RIMKLB: variants seen among roughly 807,000 people sequenced by gnomAD.
RIMKLB encodes the protein ribosomal modification protein rimK like family member B, also known as beta-citrylglutamate synthase B.
A neutral mutation model predicts 32.0 loss-of-function variants in RIMKLB; 7 were observed. The observed-to-expected ratio is 0.22, with a 90% CI of 0.12 to 0.41. RIMKLB has a LOEUF of 0.41. Among genes scored for constraint, RIMKLB ranks in the 10% least tolerant of loss-of-function variants. RIMKLB has a pLI of 1.00. For synonymous variants in RIMKLB, 172 were observed against 185.1 expected (o/e 0.93, Z 0.57); for missense variants, 289 against 498.7 (o/e 0.58, Z 4.00).
At chr12:8,703,765 C>G (rs963466936) in intron 1 of RIMKLB, among the ~76,000 whole-genome samples, 1 of 152,194 alleles carries the variant, frequency 6.6e-6, no homozygotes, top group Non-Finnish European at 1.5e-5. Flanking sequence ...TCTAACCTTT[C>G]TGCTAGAACA....
intron 1 of RIMKLB, among the ~76,000 whole-genome samples, chr12:8,698,833 C>G (rs1188685640): frequency 6.6e-6 from 1 of 152,042 alleles, no homozygotes; most frequent in African/African-American, 2.4e-5. Context: ...GTGTGACAGT[C>G]ATTCCATCTT....
intron 4 of RIMKLB, among the ~76,000 whole-genome samples, chr12:8,752,636 C>T (rs1028845138): frequency 2.6e-5 from 4 of 151,950 alleles, no homozygotes; most frequent in Admixed American, 2.6e-4. Flanking sequence ...GACTTAAATG[C>T]GTAAGGTAAA....
At chr12:8,719,368 T>A (rs1171042553) in intron 2 of RIMKLB, among the ~76,000 whole-genome samples, 1 of 152,160 alleles carries the variant, frequency 6.6e-6, no homozygotes, top group Non-Finnish European at 1.5e-5. Flanking sequence ...TTTTTTTGTT[T>A]TGTTTTGTTT....
downstream of RIMKLB, chr12:8,779,125 G>GT (rs751389660): frequency 1.3e-4 from 20 of 152,330 alleles, 1 homozygote; most frequent in South Asian, 1.0e-3. Context: ...GGAGAGCCTT[G>GT]TACTCAGCAA....
At chr12:8,762,829 A>G (rs925981977) in intron 5 of RIMKLB, among the ~76,000 whole-genome samples, 2 of 152,200 alleles carry the variant, frequency 1.3e-5, no homozygotes, top group African/African-American at 2.4e-5. Flanking sequence ...CTACAAAGGA[A>G]CTTCCATCAG....
At position 8,735,337 on chromosome 12, in the gene RIMKLB, T is replaced by A. The variant is rs181123534; in HGVS notation, c.176-14525T>A. ...CTCTACCTCCTGGGTTCAAGTGATTTTCCTGCCTCAGCTTCTAAAGTAGCT... is the reference window on the plus strand; with the variant it reads ...CTCTACCTCCTGGGTTCAAGTGATTATCCTGCCTCAGCTTCTAAAGTAGCT... On this transcript the variant is annotated intron_variant, in intron 2 of 5. Coordinates refer to ENST00000535829, the MANE Select transcript of RIMKLB (RefSeq NM_001297776.2). Among the ~76,000 whole-genome samples, 37 of 152,300 alleles carry A rather than the reference T, an allele frequency of 2.4e-4. 2 individuals are homozygous for A. In the East Asian group the frequency reaches 2.9e-3, roughly 12 times the overall value.
rs770530904 is a variant in RIMKLB at position 8,714,850 on chromosome 12, A to G, written c.175+809A>G. Reference sequence around the variant, plus strand: ...AGAAAATACTTCATAATTTAATGATAGTATAAATACATTTTAGATCACTTT... The same window carrying G: ...AGAAAATACTTCATAATTTAATGATGGTATAAATACATTTTAGATCACTTT... On this transcript the variant is annotated intron_variant, in intron 2 of 5. Transcript: ENST00000535829. Among the ~76,000 whole-genome samples the G allele has an allele frequency of 5.3e-5, 8 of 152,360 alleles. 1 individual carries two copies. The South Asian group carries it at 1.7e-3, about 32-fold the overall frequency.
intron 2 of RIMKLB, among the ~76,000 whole-genome samples, chr12:8,720,028 G>A (rs1451386832): frequency 6.6e-6 from 1 of 152,156 alleles, no homozygotes; most frequent in African/African-American, 2.4e-5. Flanking sequence ...ACCAAGGATG[G>A]TAAAGAATGA....
intron 2 of RIMKLB, among the ~76,000 whole-genome samples, chr12:8,744,072 TGG>T (rs1222585670): frequency 6.6e-6 from 1 of 151,976 alleles, no homozygotes; most frequent in East Asian, 1.9e-4. Flanking sequence ...CTAAATAACA[TGG>T]GTCTAAGGGA....
intron 5 of RIMKLB, among the ~76,000 whole-genome samples, chr12:8,754,424 TATAAG>T (rs1948855772): frequency 6.6e-6 from 1 of 152,228 alleles, no homozygotes; most frequent in South Asian, 2.1e-4. Context: ...TTGGAGTTCC[TATAAG>T]ATGTCATAAC....
intron 2 of RIMKLB, among the ~76,000 whole-genome samples, chr12:8,723,982 A>AG (rs1945736625): frequency 1.3e-5 from 2 of 150,826 alleles, no homozygotes; most frequent in Non-Finnish European, 2.9e-5. Flanking sequence ...TGCCTGGCTA[A>AG]GTTTTGTTTT....
At chr12:8,773,116 A>G (rs1200893078) in intron 5 of RIMKLB, among the ~76,000 whole-genome samples, 40 of 152,230 alleles carry the variant, frequency 2.6e-4, no homozygotes. Context: ...TTGACAACTT[A>G]CGAAATCATC....
the RIMKLB span, among the ~76,000 whole-genome samples, chr12:8,676,385 T>A: frequency 1.7e-4 from 12 of 68,656 alleles, no homozygotes; most frequent in African/African-American, 8.6e-4. Context: ...CCAACAGCTT[T>A]TTTTTTTTTT....
intron 2 of RIMKLB, chr12:8,742,722 C>T (rs778682841): frequency 8.9e-6 from 2 of 224,074 alleles, no homozygotes; most frequent in Non-Finnish European, 1.8e-5. Flanking sequence ...ACTGGAGCCA[C>T]TCCTGTTGCT....
At chr12:8,703,286 A>G (rs1943561422) in intron 1 of RIMKLB, among the ~76,000 whole-genome samples, 1 of 152,150 alleles carries the variant, frequency 6.6e-6, no homozygotes, top group South Asian at 2.1e-4. Flanking sequence ...TCCCTCTCAA[A>G]AAAAAGAAAA....
Position 8,775,657 on chromosome 12 carries a change from TCCC to T in RIMKLB, c.*1876_*1878del, listed in dbSNP as rs1182330978. 7.1e-6 allele frequency: 7 copies of T among 985,756 alleles called. No homozygotes were observed. Among genetic ancestry groups the T allele is most frequent in the African/African-American group, 1.7e-5 (1 of 57,348 alleles). The allele number at this position is 985,756 out of a possible 1,614,324, so 61.1% of individuals were successfully genotyped here. A position where few individuals can be genotyped will look rare whatever the true frequency, so the allele number is the denominator to read the frequency against. ...TGATCATGCTTACTTGTACAGTTTT[TCCC>T]CCGTTTTAAAAAGGAATGTAATAAA... On this transcript the variant is annotated 3_prime_UTR_variant, in exon 6 of 6. Coordinates refer to ENST00000535829, the MANE Select transcript of RIMKLB (RefSeq NM_001297776.2).
At chr12:8,730,516 T>C (rs1946436335) in intron 2 of RIMKLB, among the ~76,000 whole-genome samples, 1 of 152,194 alleles carries the variant, frequency 6.6e-6, no homozygotes, top group Non-Finnish European at 1.5e-5. Flanking sequence ...GGACTGTAGC[T>C]GGCTTGCAGC....
intron 1 of RIMKLB, among the ~76,000 whole-genome samples, chr12:8,688,402 A>G (rs1942639873): frequency 6.6e-6 from 1 of 152,220 alleles, no homozygotes; most frequent in African/African-American, 2.4e-5. Flanking sequence ...AAGAGACAAG[A>G]AAAGCGAGAT....
chr12:8,751,926 T>A, intron 3 of RIMKLB, 31 bp from the exon 4 acceptor site: 1 of 1,369,956 alleles, frequency 7.3e-7, no homozygotes, highest in South Asian at 1.2e-5. Context: ...CTGCTGCTGT[T>A]TGTCTTAAAT....
Sources: allele counts gnomAD v4.1 joint callset (sites outside exome capture counted in the v4.1 genomes callset), GRCh38; gene constraint gnomAD v4.1.1; transcripts MANE v1.5; gene names NCBI Gene and HGNC (gene_info 2026-07-23, HGNC 2026-07-21).